The following LRRK1 variants were observed in gnomAD, a reference collection of about 807,000 sequenced individuals.
LRRK1 encodes leucine-rich repeat serine/threonine-protein kinase 1.
LRRK1 carries 113 observed loss-of-function variants against 209.1 expected under a neutral mutation model. That is an observed-to-expected ratio of 0.54 (90% CI 0.46 to 0.63). The LOEUF is 0.63. LRRK1 is among the 30% of genes least tolerant of loss of function. LRRK1 has a pLI of 0.00. For missense variants in LRRK1, 2,284 were observed against 2,632.2 expected (o/e 0.87, Z 2.89); for synonymous variants, 1,144 against 1,099.7 (o/e 1.04, Z -0.80).
At chr15:100,951,470 T>G (rs1316849359) in intron 2 of LRRK1, among the ~76,000 whole-genome samples, 1 of 152,152 alleles carries the variant, frequency 6.6e-6, no homozygotes, top group Non-Finnish European at 1.5e-5. Context: ...AGGGCAGATA[T>G]TCACAGAAAA....
rs115182667 is a variant in LRRK1, at chr15:101,056,591, A to G, written c.4333-265A>G. Among the ~76,000 whole-genome samples, 856 of 152,278 alleles carry G rather than the reference A, an allele frequency of 5.6e-3. 8 individuals carry two copies. Among genetic ancestry groups the G allele is most frequent in the African/African-American group, 0.018 (748 of 41,534 alleles). On this transcript the variant is annotated intron_variant, in intron 27 of 33. Coordinates refer to ENST00000388948, the MANE Select transcript of LRRK1 (RefSeq NM_024652.6). ...ATGGACAGATGAGAAGAATGGATAAATGTACAGGAAGACAAGCAAATGGAT... is the reference window on the plus strand; with the variant it reads ...ATGGACAGATGAGAAGAATGGATAAGTGTACAGGAAGACAAGCAAATGGAT...
At chr15:100,946,294 A>G (rs1567193818) in intron 2 of LRRK1, among the ~76,000 whole-genome samples, 1 of 152,010 alleles carries the variant, frequency 6.6e-6, no homozygotes, top group Non-Finnish European at 1.5e-5. Context: ...AGGAAAGTTC[A>G]GGTGGGGAGG....
intron 2 of LRRK1, among the ~76,000 whole-genome samples, chr15:100,967,858 C>A (rs1355221105): frequency 6.6e-6 from 1 of 152,160 alleles, no homozygotes; most frequent in Non-Finnish European, 1.5e-5. Context: ...CTGTAGCATG[C>A]ATAGTATGGA....
chr15:101,007,114 G>C (rs769532949), intron 6 of LRRK1, among the ~76,000 whole-genome samples: 1 of 152,234 alleles, frequency 6.6e-6, no homozygotes, highest in African/African-American at 2.4e-5. Flanking sequence ...GGAGTGGGCG[G>C]AGGAGGAGCT....
intron 2 of LRRK1, among the ~76,000 whole-genome samples, chr15:100,952,317 G>T (rs576275351): frequency 1.3e-5 from 2 of 152,268 alleles, no homozygotes; most frequent in South Asian, 4.1e-4. Context: ...TTTATGATAC[G>T]TGAATTATCT....
rs200253977 is a variant in LRRK1, at chr15:101,010,745, G to A, written c.1189G>A (p.Ala397Thr). ...TGACAATAAATTGACAGAACTCCCT[G>A]CCCTGTTCCTTCACTCTTTCAAGTC... ...ISDNKLTELP[A>T]LFLHSFKSLN... Residue 397 changes from alanine (A) to threonine (T), a missense_variant, in exon 9 of 34, where the codon GCC becomes ACC. Ala to Thr is a moderately conservative substitution (Grantham distance 58). This residue lies in a region of LRRK1 where 494 missense variants were observed against 522.1 expected (regional missense o/e 0.95). Transcript: ENST00000388948. 3 of 1,613,094 alleles carry A rather than the reference G, an allele frequency of 1.9e-6. No individual in the cohort carries two copies. The highest frequency in any genetic ancestry group is 2.5e-6 in the Non-Finnish European group (3 of 1,179,734).
intron 2 of LRRK1, among the ~76,000 whole-genome samples, chr15:100,962,824 T>TACATATATATATATATATACATA (rs1555461505): frequency 1.2e-4 from 1 of 8,444 alleles, no homozygotes; most frequent in African/African-American, 3.4e-4. Flanking sequence ...TATATATATA[T>TACATATATATATATATATACATA]TTTTTTTTTT....
chr15:101,063,313 C>T (rs1402186411), intron 31 of LRRK1, among the ~76,000 whole-genome samples: 1 of 152,202 alleles, frequency 6.6e-6, no homozygotes, highest in Non-Finnish European at 1.5e-5. Flanking sequence ...CCAGTCCCTG[C>T]TGGGCCCGGC....
In LRRK1 at chr15:101,025,759, G is replaced by A. The variant is rs79397898; in HGVS notation, c.2233-206G>A. Among the ~76,000 whole-genome samples the A allele has an allele frequency of 8.2e-3, 1,245 of 152,292 alleles. 18 individuals carry two copies. Among genetic ancestry groups the A allele is most frequent in the African/African-American group, 0.027 (1,124 of 41,550 alleles). The stretch of plus-strand genomic sequence containing the variant: ...ATCTGGCCCCATGACCCAACCTCCC[G>A]TCAGGCCTCACCTCCAACACTGGGG... On this transcript the variant is annotated intron_variant, in intron 16 of 33. Transcript: ENST00000388948.
rs1258932319 is a variant in LRRK1 at position 101,069,153 on chromosome 15, A to AG, written c.*309dup. On this transcript the variant is annotated 3_prime_UTR_variant, in exon 34 of 34. Coordinates refer to ENST00000388948, the MANE Select transcript of LRRK1 (RefSeq NM_024652.6). Reference sequence around the variant, plus strand: ...GCCTCCCCCATCAGTTTGCAGGAGCAGGGGTGCAGGATCCTGTTCTGAGCT... The same window carrying AG: ...GCCTCCCCCATCAGTTTGCAGGAGCAGGGGGTGCAGGATCCTGTTCTGAGCT... The AG allele has an allele frequency of 3.9e-6, 1 of 253,302 alleles. No individual in the cohort carries two copies. The highest frequency in any genetic ancestry group is 2.2e-5 in the African/African-American group (1 of 45,198). The allele number at this position is 253,302 out of a possible 1,614,324, so 15.7% of individuals were successfully genotyped here.
intron 2 of LRRK1, among the ~76,000 whole-genome samples, chr15:100,941,292 GTGTGTGTCTATGTGTGTGTGTC>G (rs2042402654): frequency 1.0e-5 from 1 of 99,954 alleles, no homozygotes; most frequent in African/African-American, 3.5e-5. Flanking sequence ...GTGTGTGTCT[GTGTGTGTCTATGTGTGTGTGTC>G]TGTGTGTGTG....
intron 1 of LRRK1, among the ~76,000 whole-genome samples, chr15:100,921,153 T>G (rs1194454897): frequency 6.6e-6 from 1 of 152,230 alleles, no homozygotes; most frequent in African/African-American, 2.4e-5. Context: ...CAGAGACTGA[T>G]CTGTCTTGCT....
At chr15:101,008,420 G>A (rs567141316) in intron 6 of LRRK1, among the ~76,000 whole-genome samples, 3 of 152,316 alleles carry the variant, frequency 2.0e-5, no homozygotes, top group Non-Finnish European at 4.4e-5. Flanking sequence ...CTTGAAGGGA[G>A]GTCAGAGACT....
intron 2 of LRRK1, among the ~76,000 whole-genome samples, chr15:100,950,907 T>A (rs533285496): frequency 6.6e-6 from 1 of 152,034 alleles, no homozygotes. Context: ...ATCGAGACCA[T>A]CCTGGCTAAC....
At chr15:100,947,917 T>C (rs1277658004) in intron 2 of LRRK1, among the ~76,000 whole-genome samples, 1 of 152,228 alleles carries the variant, frequency 6.6e-6, no homozygotes, top group African/African-American at 2.4e-5. Context: ...TCCATGACCT[T>C]TGTCTGCACA....
chr15:100,971,855 T>C (rs945287113), intron 2 of LRRK1, among the ~76,000 whole-genome samples: 3 of 152,256 alleles, frequency 2.0e-5, no homozygotes, highest in Non-Finnish European at 4.4e-5. Flanking sequence ...GATCAAATTT[T>C]TAGCTCCCAC....
chr15:101,020,451 T>A (rs1221620793), intron 12 of LRRK1, among the ~76,000 whole-genome samples: 1 of 146,660 alleles, frequency 6.8e-6, no homozygotes, highest in African/African-American at 2.5e-5. Context: ...CTCAACTCAC[T>A]GCAACCTCCA....
At chr15:101,013,201 A>G (rs2033360526) in intron 10 of LRRK1, among the ~76,000 whole-genome samples, 1 of 152,166 alleles carries the variant, frequency 6.6e-6, no homozygotes, top group Non-Finnish European at 1.5e-5. Flanking sequence ...GGCACATGGC[A>G]GGGTCTCCAT....
intron 12 of LRRK1, among the ~76,000 whole-genome samples, chr15:101,017,096 C>T (rs910089857): frequency 7.2e-5 from 11 of 152,198 alleles, no homozygotes; most frequent in African/African-American, 2.7e-4. Flanking sequence ...CAGAAATATC[C>T]CTCAGGATGC....
Sources: gnomAD v4.1 joint callset for allele counts (sites outside exome capture counted in the v4.1 genomes callset) on GRCh38, gnomAD v4.1.1 for gene constraint, gnomAD v4.1.1 regional missense constraint, MANE v1.5 for transcripts, NCBI Gene and HGNC (gene_info 2026-07-23, HGNC 2026-07-21) for gene names.